TP63: variants seen among roughly 807,000 people sequenced by gnomAD.
The protein encoded by TP63 is tumor protein p63, also known as tumor protein 63.
A neutral mutation model predicts 82.8 loss-of-function variants in TP63; 17 were observed. The observed-to-expected ratio is 0.21, with a 90% CI of 0.14 to 0.31. TP63 has a LOEUF of 0.31. TP63 is among the 10% of genes least tolerant of loss of function. The pLI, the probability that TP63 is intolerant of heterozygous loss-of-function variation, is 1.00. For synonymous variants in TP63, 330 were observed against 321.7 expected (o/e 1.03, Z -0.28); for missense variants, 648 against 895.3 (o/e 0.72, Z 3.52).
chr3:189,800,547 AT>A (rs1465244931), intron 3 of TP63, among the ~76,000 whole-genome samples: 3 of 152,074 alleles, frequency 2.0e-5, no homozygotes, highest in African/African-American at 7.2e-5. Context: ...TCAGATAAAA[AT>A]TCCAGGCAGA....
chr3:189,695,172 G>A (rs1378606192), intron 1 of TP63, among the ~76,000 whole-genome samples: 1 of 151,872 alleles, frequency 6.6e-6, no homozygotes, highest in African/African-American at 2.4e-5. Context: ...TTTTGTTAAT[G>A]TATCTGAATA....
chr3:189,736,244 G>A (rs1352012448), intron 1 of TP63, among the ~76,000 whole-genome samples: 3 of 151,006 alleles, frequency 2.0e-5, no homozygotes, highest in African/African-American at 7.3e-5. Flanking sequence ...ACAGACATAG[G>A]CTTTTTAAAA....
At chr3:189,758,246 G>A (rs1196989360) in intron 3 of TP63, among the ~76,000 whole-genome samples, 3 of 152,192 alleles carry the variant, frequency 2.0e-5, no homozygotes, top group Admixed American at 1.3e-4. Flanking sequence ...TGCCCCCGCT[G>A]ATCTGACAGG....
chr3:189,837,088 C>T (rs16864830), intron 4 of TP63, among the ~76,000 whole-genome samples: 2,869 of 152,206 alleles, frequency 0.019, 81 homozygotes, highest in African/African-American at 0.066. Context: ...GTGTACGATG[C>T]TTCCAAATAT....
intron 1 of TP63, among the ~76,000 whole-genome samples, chr3:189,720,552 T>C (rs1719300000): frequency 6.6e-6 from 1 of 151,768 alleles, no homozygotes; most frequent in African/African-American, 2.4e-5. Context: ...CTGGTCAACA[T>C]GGAGAAACCC....
At chr3:189,848,343 T>C (rs1382451932) in intron 4 of TP63, among the ~76,000 whole-genome samples, 2 of 148,878 alleles carry the variant, frequency 1.3e-5, no homozygotes, top group African/African-American at 4.9e-5. Flanking sequence ...CAAGTGATCC[T>C]CTGCACCTCA....
intron 4 of TP63, among the ~76,000 whole-genome samples, chr3:189,822,711 C>A (rs767583223): frequency 2.0e-5 from 3 of 151,872 alleles, no homozygotes; most frequent in Non-Finnish European, 4.4e-5. Context: ...ATTTTTGGAG[C>A]CTTAGCCCAA....
chr3:189,847,758 T>C lies in TP63; in HGVS notation c.580-16474T>C, dbSNP rs117257986. ...CAATGAGTGGGCATTTTGTGTTGTTTTTATGTTCAAGCTCCCATTGTGAGA... is the reference window on the plus strand; with the variant it reads ...CAATGAGTGGGCATTTTGTGTTGTTCTTATGTTCAAGCTCCCATTGTGAGA... On this transcript the variant is annotated intron_variant, in intron 4 of 13. Transcript: ENST00000264731. Among the ~76,000 whole-genome samples the C allele has an allele frequency of 3.0e-4, 45 of 152,334 alleles. No homozygotes were observed. In the East Asian group the frequency reaches 8.5e-3, roughly 29 times the overall value.
intron 10 of TP63, chr3:189,880,318 C>T: frequency 7.6e-7 from 1 of 1,315,330 alleles, no homozygotes; most frequent in Non-Finnish European, 9.7e-7. Context: ...CCCAACTGCT[C>T]AAAGGCACAA....
chr3:189,669,275 T>C (rs977384901), intron 1 of TP63, among the ~76,000 whole-genome samples: 2 of 151,318 alleles, frequency 1.3e-5, no homozygotes, highest in African/African-American at 4.9e-5. Context: ...CTAGTAAAAA[T>C]AGTTTTGAAA....
chr3:189,714,671 A>T (rs1020987134), intron 1 of TP63, among the ~76,000 whole-genome samples: 2 of 152,134 alleles, frequency 1.3e-5, no homozygotes, highest in African/African-American at 4.8e-5. Context: ...TCTTTCCAAA[A>T]TTCTCTCAAA....
chr3:189,741,357 A>G (rs1720973708), intron 3 of TP63, among the ~76,000 whole-genome samples: 1 of 152,212 alleles, frequency 6.6e-6, no homozygotes. Context: ...AAAATGGTAA[A>G]CTTACCCAGG....
At chr3:189,724,823 G>A (rs547572146) in intron 1 of TP63, among the ~76,000 whole-genome samples, 2 of 152,146 alleles carry the variant, frequency 1.3e-5, no homozygotes, top group African/African-American at 2.4e-5. Flanking sequence ...GGATGCATCC[G>A]GGAACGGGGC....
At chr3:189,669,545 A>G (rs915963513) in intron 1 of TP63, among the ~76,000 whole-genome samples, 1 of 152,050 alleles carries the variant, frequency 6.6e-6, no homozygotes, top group African/African-American at 2.4e-5. Flanking sequence ...AAAAATAATC[A>G]CACTGTAAAG....
intron 3 of TP63, among the ~76,000 whole-genome samples, chr3:189,741,606 C>A (rs796191513): frequency 3.3e-5 from 5 of 152,290 alleles, no homozygotes; most frequent in African/African-American, 1.2e-4. Context: ...AGCATTCTCT[C>A]ACCATACAAG....
At chr3:189,836,604 C>T (rs1263383124) in intron 4 of TP63, among the ~76,000 whole-genome samples, 1 of 152,150 alleles carries the variant, frequency 6.6e-6, no homozygotes, top group Non-Finnish European at 1.5e-5. Context: ...TCTCTTTTCC[C>T]TAATTTTAAT....
intron 3 of TP63, among the ~76,000 whole-genome samples, chr3:189,789,404 C>T (rs1259247135): frequency 6.6e-6 from 1 of 151,706 alleles, no homozygotes; most frequent in East Asian, 1.9e-4. Flanking sequence ...TTTTAAAAGA[C>T]AGTGCACTTT....
the TP63 span, among the ~76,000 whole-genome samples, chr3:189,603,652 A>T: frequency 2.7e-3 from 7 of 2,598 alleles, no homozygotes; most frequent in South Asian, 0.01. Flanking sequence ...GCCTTCATTA[A>T]AAAAAAAAAA....
intron 4 of TP63, among the ~76,000 whole-genome samples, chr3:189,845,649 A>G (rs1168536921): frequency 6.7e-6 from 1 of 150,324 alleles, no homozygotes; most frequent in African/African-American, 2.5e-5. Context: ...TTTTTTTAAG[A>G]CCTCAGTATA....
Sources: gnomAD v4.1 joint callset for allele counts (sites outside exome capture counted in the v4.1 genomes callset) on GRCh38, gnomAD v4.1.1 for gene constraint, MANE v1.5 for transcripts, NCBI Gene and HGNC (gene_info 2026-07-23, HGNC 2026-07-21) for gene names.